The following ZBTB16 variants were observed in gnomAD, a reference collection of about 807,000 sequenced individuals.
The protein encoded by ZBTB16 is zinc finger and BTB domain containing 16.
Under a neutral mutation model 56.8 loss-of-function variants are expected in ZBTB16, and 8 were observed. The observed-to-expected ratio is 0.14, with a 90% confidence interval of 0.08 to 0.25. The LOEUF is 0.25. Among genes scored for constraint, ZBTB16 ranks in the 10% least tolerant of loss-of-function variants. ZBTB16 has a pLI of 1.00. For synonymous variants in ZBTB16, 363 were observed against 368.5 expected (o/e 0.98, Z 0.17); for missense variants, 625 against 903.0 (o/e 0.69, Z 3.95).
intron 3 of ZBTB16, among the ~76,000 whole-genome samples, chr11:114,166,405 A>G (rs1238901550): frequency 1.3e-5 from 2 of 152,068 alleles, no homozygotes; most frequent in Non-Finnish European, 2.9e-5. Context: ...GTTGGAGGGT[A>G]TGGAAAAGCT....
chr11:114,209,661 A>C, intron 4 of ZBTB16: 1 of 985,430 alleles, frequency 1.0e-6, no homozygotes, highest in Non-Finnish European at 1.2e-6. Flanking sequence ...AGGGTTAAGG[A>C]AGAGAAAAAT....
chr11:114,162,985 G>A (rs1006960611), intron 3 of ZBTB16, among the ~76,000 whole-genome samples: 1 of 152,190 alleles, frequency 6.6e-6, no homozygotes, highest in Non-Finnish European at 1.5e-5. Flanking sequence ...GCATTCCAGA[G>A]AGTTTATGAT....
chr11:114,233,109 ACACACACACACACACACT>A (rs1374405702), intron 4 of ZBTB16, among the ~76,000 whole-genome samples: 13 of 43,900 alleles, frequency 3.0e-4, no homozygotes, highest in African/African-American at 6.7e-4. Context: ...ACACACACAC[ACACACACACACACACACT>A]CTCTCTCTCT....
intron 2 of ZBTB16, among the ~76,000 whole-genome samples, chr11:114,068,249 G>A (rs199600086): frequency 1.3e-5 from 2 of 152,042 alleles, no homozygotes; most frequent in Admixed American, 1.3e-4. Flanking sequence ...GGGGTGGGGG[G>A]GCAGAAGGGA....
intron 2 of ZBTB16, 94 bp from the exon 3 acceptor site, chr11:114,156,243 C>A: frequency 7.9e-7 from 1 of 1,270,448 alleles, no homozygotes; most frequent in Non-Finnish European, 1.1e-6. Flanking sequence ...CTGTCACCTG[C>A]CAGAGGGATG....
intron 4 of ZBTB16, among the ~76,000 whole-genome samples, chr11:114,194,153 G>A (rs370724239): frequency 1.2e-4 from 18 of 152,172 alleles, no homozygotes; most frequent in African/African-American, 4.1e-4. Context: ...CCTCCTCCTG[G>A]AGTAGGATAC....
chr11:114,093,276 T>C (rs1940257217), intron 2 of ZBTB16, among the ~76,000 whole-genome samples: 1 of 151,912 alleles, frequency 6.6e-6, no homozygotes, highest in Admixed American at 6.6e-5. Flanking sequence ...AGGCTTGGGT[T>C]GTCTGTGAAG....
chr11:114,220,377 T>C (rs1449101464), intron 4 of ZBTB16, among the ~76,000 whole-genome samples: 2 of 152,166 alleles, frequency 1.3e-5, no homozygotes, highest in East Asian at 3.9e-4. Context: ...TGTGAGTGTG[T>C]GAGCAATGCA....
Position 114,256,128 on chromosome 11 carries a change from T to C in ZBTB16, c.*5573T>C, listed in dbSNP as rs1232637550. On this transcript the variant is annotated 3_prime_UTR_variant, in exon 7 of 7. Coordinates refer to ENST00000335953, the MANE Select transcript of ZBTB16 (RefSeq NM_006006.6). ...AAAAGAAAGCTCTGTATTACACATA[T>C]TTAGACTTATCTATGTGTCACTTTT... Among the ~76,000 whole-genome samples, 1 of 152,044 alleles carries C rather than the reference T, an allele frequency of 6.6e-6. No homozygotes were observed. Among genetic ancestry groups the C allele is most frequent in the African/African-American group, 2.4e-5 (1 of 41,412 alleles).
At chr11:114,200,321 A>C (rs1461522958) in intron 4 of ZBTB16, among the ~76,000 whole-genome samples, 3 of 152,190 alleles carry the variant, frequency 2.0e-5, no homozygotes, top group Non-Finnish European at 4.4e-5. Flanking sequence ...CAGTGTATTA[A>C]ATACCTACTG....
chr11:114,070,270 G>A (rs937114217), intron 2 of ZBTB16, among the ~76,000 whole-genome samples: 10 of 151,032 alleles, frequency 6.6e-5, no homozygotes, highest in African/African-American at 1.7e-4. Context: ...CACCGCGCCC[G>A]GCTAATTTTT....
At position 114,143,763 on chromosome 11, in the gene ZBTB16, T is replaced by C. The variant is rs1942024930; in HGVS notation, c.1269-12574T>C. On this transcript the variant is annotated intron_variant, in intron 2 of 6. Transcript: ENST00000335953. The surrounding 1 kb of genome is among the most constrained non-coding windows in gnomAD (Gnocchi z 6.4). ...CACCCAGGCGGGTAGCACAGGTGGC[T>C]TAGCAAATGCAGTCAGAGTCAAGGT... Among the ~76,000 whole-genome samples, 1 of 152,180 alleles carries C rather than the reference T, an allele frequency of 6.6e-6. No homozygotes were observed. The highest frequency in any genetic ancestry group is 2.4e-5 in the African/African-American group (1 of 41,442).
At chr11:114,130,866 A>G (rs1408706679) in intron 2 of ZBTB16, among the ~76,000 whole-genome samples, 10 of 152,248 alleles carry the variant, frequency 6.6e-5, no homozygotes, top group Admixed American at 6.5e-4. Context: ...TAGAGCGATG[A>G]TAATTCATTA....
intron 4 of ZBTB16, among the ~76,000 whole-genome samples, chr11:114,199,739 C>T (rs557211763): frequency 1.3e-5 from 2 of 152,334 alleles, no homozygotes; most frequent in South Asian, 2.1e-4. Context: ...AGATTCTGAT[C>T]TTGCATTGAT....
intron 2 of ZBTB16, among the ~76,000 whole-genome samples, chr11:114,093,495 C>T (rs147814224): frequency 7.2e-5 from 11 of 152,250 alleles, no homozygotes; most frequent in Admixed American, 2.0e-4. Flanking sequence ...TTGAGAGAGG[C>T]GGTGAATAAA....
chr11:114,246,356 T>C (rs957188167), intron 5 of ZBTB16, among the ~76,000 whole-genome samples: 2 of 152,232 alleles, frequency 1.3e-5, no homozygotes, highest in Non-Finnish European at 2.9e-5. Flanking sequence ...AGCTCCTTAC[T>C]TGCCGTTTCA....
At chr11:114,217,038 G>A (rs1944118623) in intron 4 of ZBTB16, among the ~76,000 whole-genome samples, 1 of 152,206 alleles carries the variant, frequency 6.6e-6, no homozygotes, top group Non-Finnish European at 1.5e-5. Flanking sequence ...GACACCACAA[G>A]GTTTTCAAGA....
intron 2 of ZBTB16, among the ~76,000 whole-genome samples, chr11:114,093,410 C>T (rs777995286): frequency 7.9e-5 from 12 of 152,116 alleles, no homozygotes; most frequent in African/African-American, 2.7e-4. Flanking sequence ...TCCCCGATTC[C>T]CCTCTCTTCC....
chr11:114,092,356 T>G (rs1260777469), intron 2 of ZBTB16, among the ~76,000 whole-genome samples: 5 of 152,214 alleles, frequency 3.3e-5, no homozygotes, highest in Non-Finnish European at 1.5e-5. Context: ...TTTAGACAGC[T>G]CCACGCTGCT....
Sources: allele counts gnomAD v4.1 joint callset (sites outside exome capture counted in the v4.1 genomes callset), GRCh38; gene constraint gnomAD v4.1.1; non-coding constraint Gnocchi (gnomAD v3.1); transcripts MANE v1.5; gene names NCBI Gene and HGNC (gene_info 2026-07-23, HGNC 2026-07-21).